EEIG2: variants seen among roughly 807,000 people sequenced by gnomAD.
The protein encoded by EEIG2 is family with sequence similarity 102 member B.
At chr1:108,583,561 TTAAG>T in the EEIG2 span, among the ~76,000 whole-genome samples, 2 of 152,032 alleles carry the variant, frequency 1.3e-5, no homozygotes, top group Non-Finnish European at 2.9e-5. Flanking sequence ...GGAGTGTAAA[TTAAG>T]TAACAGTTCT....
the EEIG2 span, among the ~76,000 whole-genome samples, chr1:108,614,836 C>T: frequency 6.6e-6 from 1 of 152,166 alleles, no homozygotes; most frequent in Admixed American, 6.5e-5. Flanking sequence ...CAACTACTGT[C>T]CCACATCTCT....
chr1:108,625,122 C>T, the EEIG2 span: 3 of 180,856 alleles, frequency 1.7e-5, no homozygotes, highest in Non-Finnish European at 1.2e-5. Flanking sequence ...TTCTCAAGCC[C>T]TAGTGTGCAT....
the EEIG2 span, among the ~76,000 whole-genome samples, chr1:108,598,494 C>T: frequency 2.7e-4 from 41 of 152,050 alleles, no homozygotes; most frequent in African/African-American, 9.4e-4. Context: ...CCTCCAGGTC[C>T]ATCCTTTGTC....
At chr1:108,560,813 G>A in the EEIG2 span, among the ~76,000 whole-genome samples, 1 of 152,106 alleles carries the variant, frequency 6.6e-6, no homozygotes. Context: ...TGGGAGCAAT[G>A]GCCAGAGAGG....
the EEIG2 span, chr1:108,560,666 A>G: frequency 1.4e-6 from 2 of 1,381,664 alleles, no homozygotes; most frequent in Non-Finnish European, 1.9e-6. Flanking sequence ...TTCCCTAGGG[A>G]CCGCTCTAAA....
chr1:108,622,143 G>A, the EEIG2 span, among the ~76,000 whole-genome samples: 2 of 152,074 alleles, frequency 1.3e-5, no homozygotes, highest in Non-Finnish European at 2.9e-5. Flanking sequence ...GGAAATGAGC[G>A]AAACTCCGTC....
the EEIG2 span, among the ~76,000 whole-genome samples, chr1:108,574,552 A>G: frequency 6.6e-6 from 1 of 152,200 alleles, no homozygotes; most frequent in African/African-American, 2.4e-5. Flanking sequence ...GGAGTTCAAG[A>G]CCAGCCTGGC....
the EEIG2 span, among the ~76,000 whole-genome samples, chr1:108,589,003 T>C: frequency 1.3e-5 from 2 of 152,268 alleles, no homozygotes; most frequent in South Asian, 4.2e-4. Flanking sequence ...CAGTGCTATG[T>C]TTTTATATGA....
the EEIG2 span, among the ~76,000 whole-genome samples, chr1:108,598,364 A>ATT: frequency 1.5e-3 from 198 of 135,780 alleles, 1 homozygote; most frequent in African/African-American, 4.9e-3. Flanking sequence ...AAAAATCTGG[A>ATT]TTTTTTTTTT....
At chr1:108,606,355 C>A in the EEIG2 span, 1 of 719,930 alleles carries the variant, frequency 1.4e-6, no homozygotes, top group Non-Finnish European at 2.1e-6. Flanking sequence ...TCTGTTCAAG[C>A]TTGGCTCTTT....
At chr1:108,608,510 T>C in the EEIG2 span, among the ~76,000 whole-genome samples, 3 of 152,240 alleles carry the variant, frequency 2.0e-5, no homozygotes, top group Non-Finnish European at 4.4e-5. Flanking sequence ...AGACAGTTAC[T>C]CAGTGAAGCC....
At chr1:108,624,043 G>C in the EEIG2 span, among the ~76,000 whole-genome samples, 2 of 152,140 alleles carry the variant, frequency 1.3e-5, no homozygotes, top group South Asian at 2.1e-4. Flanking sequence ...CTTTTACGTG[G>C]AATAGGAGTT....
At chr1:108,627,483 T>A in the EEIG2 span, 1 of 152,240 alleles carries the variant, frequency 6.6e-6, no homozygotes, top group African/African-American at 2.4e-5. Flanking sequence ...AGAAGCCTGG[T>A]TCTGAAAATA....
At chr1:108,631,763 T>G in the EEIG2 span, among the ~76,000 whole-genome samples, 2 of 152,164 alleles carry the variant, frequency 1.3e-5, no homozygotes, top group Admixed American at 1.3e-4. Flanking sequence ...TATCTTTCAG[T>G]GCTCACAACA....
the EEIG2 span, among the ~76,000 whole-genome samples, chr1:108,571,668 A>G: frequency 2.0e-5 from 3 of 152,190 alleles, no homozygotes; most frequent in Non-Finnish European, 4.4e-5. Flanking sequence ...CAAGTGATAC[A>G]AGACAGTTTC....
At chr1:108,626,622 T>C in the EEIG2 span, 1 of 152,162 alleles carries the variant, frequency 6.6e-6, no homozygotes, top group South Asian at 2.1e-4. Flanking sequence ...GTTGCCAGAG[T>C]GTTCTTCCCA....
the EEIG2 span, among the ~76,000 whole-genome samples, chr1:108,595,404 G>T: frequency 3.6e-5 from 5 of 139,494 alleles, no homozygotes; most frequent in Non-Finnish European, 3.1e-5. Flanking sequence ...AGGAAGGAGC[G>T]AGCTTTTACA....
At chr1:108,576,959 T>G in the EEIG2 span, among the ~76,000 whole-genome samples, 1 of 151,394 alleles carries the variant, frequency 6.6e-6, no homozygotes, top group African/African-American at 2.4e-5. Flanking sequence ...CCAGCACCTG[T>G]TGTTTCCTGA....
chr1:108,629,243 G>A, the EEIG2 span, among the ~76,000 whole-genome samples: 1 of 152,218 alleles, frequency 6.6e-6, no homozygotes, highest in Non-Finnish European at 1.5e-5. Context: ...AATTTGAAAG[G>A]TATAATTACT....
Sources: gnomAD v4.1 joint callset for allele counts (sites outside exome capture counted in the v4.1 genomes callset) on GRCh38, gnomAD v4.1.1 for gene constraint, MANE v1.5 for transcripts, NCBI Gene and HGNC (gene_info 2026-07-23, HGNC 2026-07-21) for gene names.